Variants in CLDN16 observed in about 807,000 individuals in gnomAD.
CLDN16 encodes claudin 16, also known as claudin-16.
CLDN16 carries 13 observed loss-of-function variants against 24.6 expected under a neutral mutation model. The ratio of observed to expected loss-of-function variants is 0.53; its 90% CI spans 0.34 to 0.84. The LOEUF (loss-of-function observed/expected upper bound fraction) is 0.84. Among genes scored for constraint, CLDN16 ranks in the 40% least tolerant of loss-of-function variants. CLDN16 has a pLI of 0.01. For synonymous variants in CLDN16, 116 were observed against 106.7 expected, an observed-to-expected ratio of 1.09 and a Z score of -0.54; for missense variants, 298 against 292.7, an observed-to-expected ratio of 1.02 and a Z score of -0.13.
At chr3:190,372,038 G>A (rs935889512) in intron 2 of CLDN16, among the ~76,000 whole-genome samples, 2 of 151,956 alleles carry the variant, frequency 1.3e-5, no homozygotes, top group African/African-American at 4.8e-5. Flanking sequence ...ACCTGCTCCA[G>A]TGTAAGATGT....
the CLDN16 span, among the ~76,000 whole-genome samples, chr3:190,301,368 G>A: frequency 6.6e-6 from 1 of 152,030 alleles, no homozygotes; most frequent in African/African-American, 2.4e-5. Flanking sequence ...GGTGGCTTGT[G>A]CCTGTAGTCC....
intron 1 of CLDN16, among the ~76,000 whole-genome samples, chr3:190,350,817 A>C (rs1186965851): frequency 6.6e-6 from 1 of 152,282 alleles, no homozygotes; most frequent in South Asian, 2.1e-4. Flanking sequence ...TTTATCATTG[A>C]GTTTGGCTCA....
chr3:190,294,565 C>T, the CLDN16 span, among the ~76,000 whole-genome samples: 1 of 152,014 alleles, frequency 6.6e-6, no homozygotes, highest in Non-Finnish European at 1.5e-5. Context: ...AGTTTCAAAA[C>T]ATGTCCTGTT....
upstream of CLDN16, among the ~76,000 whole-genome samples, chr3:190,321,311 T>TC (rs1449096703): frequency 5.3e-5 from 8 of 152,144 alleles, no homozygotes; most frequent in African/African-American, 1.9e-4. Flanking sequence ...CACTACACCG[T>TC]CAGCCTCTAC....
At chr3:190,311,240 A>T in the CLDN16 span, among the ~76,000 whole-genome samples, 1 of 152,256 alleles carries the variant, frequency 6.6e-6, no homozygotes, top group Non-Finnish European at 1.5e-5. Flanking sequence ...CAAGCGAAGG[A>T]AGAATGCAAT....
intron 2 of CLDN16, among the ~76,000 whole-genome samples, chr3:190,403,715 G>A (rs1048730317): frequency 3.3e-5 from 5 of 152,124 alleles, no homozygotes; most frequent in Admixed American, 1.3e-4. Context: ...TGGGTGCGTG[G>A]AACATTTTTA....
intron 1 of CLDN16, among the ~76,000 whole-genome samples, chr3:190,394,112 A>G (rs1025050575): frequency 1.3e-5 from 2 of 152,166 alleles, no homozygotes; most frequent in South Asian, 4.1e-4. Flanking sequence ...AAGACAGATA[A>G]TAAGTCAAAT....
In CLDN16 at chr3:190,402,640, T is replaced by A. The variant is rs117811086; in HGVS notation, c.217+201T>A. Among the ~76,000 whole-genome samples, 128 of 152,310 alleles carry A rather than the reference T, an allele frequency of 8.4e-4. 1 individual carries two copies. The East Asian group carries it at 0.02, about 24-fold the overall frequency. ...CATTTTCTCTTTTCTCATATATTTG[T>A]AAATTCATTGAGGGAAAAATATTAT... On this transcript the variant is annotated intron_variant, in intron 2 of 4. Coordinates refer to ENST00000264734, the MANE Select transcript of CLDN16 (RefSeq NM_006580.4).
At chr3:190,396,783 T>G (rs1718831099) in intron 1 of CLDN16, among the ~76,000 whole-genome samples, 1 of 152,130 alleles carries the variant, frequency 6.6e-6, no homozygotes, top group African/African-American at 2.4e-5. Context: ...CTAGAGAGAC[T>G]TGGGTGGTGG....
chr3:190,366,503 C>G (rs1237565296), intron 1 of CLDN16, among the ~76,000 whole-genome samples: 1 of 151,952 alleles, frequency 6.6e-6, no homozygotes, highest in Non-Finnish European at 1.5e-5. Flanking sequence ...CCTGGGGAAA[C>G]AGACTCTCAA....
At chr3:190,293,922 T>C in the CLDN16 span, among the ~76,000 whole-genome samples, 1 of 152,166 alleles carries the variant, frequency 6.6e-6, no homozygotes, top group African/African-American at 2.4e-5. Flanking sequence ...TGTTTGAGAT[T>C]CCTATTAGAC....
At chr3:190,355,084 C>T (rs1717740884) in intron 1 of CLDN16, among the ~76,000 whole-genome samples, 1 of 151,900 alleles carries the variant, frequency 6.6e-6, no homozygotes, top group Non-Finnish European at 1.5e-5. Flanking sequence ...ACACAAAAAG[C>T]ATTTCAAAGT....
chr3:190,408,540 T>G (rs983742483), intron 4 of CLDN16, 35 bp downstream of exon 4: 38 of 1,583,418 alleles, frequency 2.4e-5, no homozygotes, highest in Non-Finnish European at 2.8e-5. Flanking sequence ...TTTCCTTGCC[T>G]CCACTATCGT....
At position 190,410,158 on chromosome 3, in the gene CLDN16, G is replaced by A. The variant is rs1719239926; in HGVS notation, c.*122G>A. On this transcript the variant is annotated 3_prime_UTR_variant, in exon 5 of 5. Transcript: ENST00000264734. Reference sequence around the variant, plus strand: ...TCATATTGAATTAAATTAATTGCTAGCTTAATCAAAATGTTTGATTCTCCT... The same window carrying A: ...TCATATTGAATTAAATTAATTGCTAACTTAATCAAAATGTTTGATTCTCCT... 1 of 1,156,070 alleles carries A rather than the reference G, an allele frequency of 8.6e-7. No individual in the cohort carries two copies. Among genetic ancestry groups the A allele is most frequent in the Non-Finnish European group, 1.3e-6 (1 of 778,918 alleles). 71.6% of individuals were successfully genotyped at this position (1,156,070 alleles called of 1,614,324 possible).
intron 1 of CLDN16, among the ~76,000 whole-genome samples, chr3:190,350,909 T>G (rs1717659114): frequency 6.6e-6 from 1 of 152,016 alleles, no homozygotes; most frequent in African/African-American, 2.4e-5. Context: ...GGGCCAGACT[T>G]GCATTGTGGT....
the CLDN16 span, among the ~76,000 whole-genome samples, chr3:190,311,585 AT>A: frequency 1.3e-5 from 2 of 151,620 alleles, no homozygotes; most frequent in Admixed American, 1.3e-4. Context: ...GATTTGTATC[AT>A]TAATTATATC....
intron 1 of CLDN16, among the ~76,000 whole-genome samples, chr3:190,391,815 C>G (rs1011235510): frequency 6.6e-6 from 1 of 152,152 alleles, no homozygotes; most frequent in Non-Finnish European, 1.5e-5. Flanking sequence ...TTACGATGTG[C>G]ACAACCCTAC....
chr3:190,322,065 C>G (rs1560077292), upstream of CLDN16: 2 of 1,614,106 alleles, frequency 1.2e-6, no homozygotes, highest in Admixed American at 1.7e-5. Context: ...CACAGCCCCT[C>G]GTACATGGCC....
Position 190,410,211 on chromosome 3 carries a change from T to C in CLDN16, c.*175T>C, listed in dbSNP as rs1249265644. 2.4e-5 allele frequency: 17 copies of C among 719,474 alleles called. No homozygotes were observed. The highest frequency in any genetic ancestry group is 3.5e-5 in the African/African-American group (2 of 56,632). The allele number at this position is 719,474 out of a possible 1,614,324, so 44.6% of individuals were successfully genotyped here. A position where few individuals can be genotyped will look rare whatever the true frequency, so the allele number is the denominator to read the frequency against. The stretch of plus-strand genomic sequence containing the variant: ...ACTTTTTCTTTCTATTACTCTTATA[T>C]TTTCCCGTCATTCTCTCTGCTAACC... On this transcript the variant is annotated 3_prime_UTR_variant, in exon 5 of 5. Transcript: ENST00000264734.
Sources: gnomAD v4.1 joint callset for allele counts (sites outside exome capture counted in the v4.1 genomes callset) on GRCh38, gnomAD v4.1.1 for gene constraint, MANE v1.5 for transcripts, NCBI Gene and HGNC (gene_info 2026-07-23, HGNC 2026-07-21) for gene names.